The following ZNF431 variants were observed in gnomAD, a reference collection of about 807,000 sequenced individuals.
The protein encoded by ZNF431 is zinc finger protein 431.
Under a neutral mutation model 57.0 loss-of-function variants are expected in ZNF431, and 34 were observed. The observed-to-expected ratio is 0.60, with a 90% CI of 0.45 to 0.79. ZNF431 has a LOEUF of 0.79. Among genes scored for constraint, ZNF431 ranks in the 30% least tolerant of loss-of-function variants. The pLI is 0.00. For missense variants in ZNF431, 607 were observed against 667.1 expected (o/e 0.91, Z 0.99); for synonymous variants, 207 against 220.3 (o/e 0.94, Z 0.54).
intron 2 of ZNF431, among the ~76,000 whole-genome samples, chr19:21,165,250 A>G (rs992892192): frequency 3.3e-5 from 5 of 152,162 alleles, no homozygotes; most frequent in African/African-American, 1.2e-4. Context: ...GATACTCAAG[A>G]TTCCTACTGG....
chr19:21,160,979 C>T (rs1428845253), intron 2 of ZNF431, among the ~76,000 whole-genome samples: 1 of 152,092 alleles, frequency 6.6e-6, no homozygotes, highest in African/African-American at 2.4e-5. Flanking sequence ...ACTATCCTGG[C>T]CAACATGGTG....
rs1192064021 is a variant in ZNF431 at position 21,184,938 on chromosome 19, G to A, written c.*904G>A. The A allele has an allele frequency of 6.6e-6, 1 of 152,056 alleles. No individual in the cohort carries two copies. Among genetic ancestry groups the A allele is most frequent in the East Asian group, 1.9e-4 (1 of 5,196 alleles). The allele number at this position is 152,056 out of a possible 1,614,324, so 9.4% of individuals were successfully genotyped here. On this transcript the variant is annotated 3_prime_UTR_variant, in exon 5 of 5. Transcript: ENST00000311048. ...CTTTTTGTAGACATTTTCTTCTAGA[G>A]GAAAACTCTGAAGCAGTTGATCAAA...
intron 2 of ZNF431, among the ~76,000 whole-genome samples, chr19:21,147,359 G>A (rs1320019708): frequency 2.0e-5 from 3 of 152,008 alleles, no homozygotes; most frequent in Non-Finnish European, 4.4e-5. Context: ...TGTGCTGGTG[G>A]ACGCCTGTAA....
At chr19:21,169,366 C>A (rs1227340212) in intron 4 of ZNF431, among the ~76,000 whole-genome samples, 1 of 152,050 alleles carries the variant, frequency 6.6e-6, no homozygotes, top group Non-Finnish European at 1.5e-5. Context: ...TCAGTGCTAC[C>A]TTAAAATAGA....
intron 4 of ZNF431, among the ~76,000 whole-genome samples, chr19:21,179,359 C>T (rs1026428729): frequency 9.2e-5 from 14 of 151,858 alleles, no homozygotes; most frequent in African/African-American, 2.7e-4. Context: ...GTCTTTATGT[C>T]GTTCACTTCC....
At position 21,151,920 on chromosome 19, in the gene ZNF431, C is replaced by A. The variant is rs1371758986; in HGVS notation, c.96+8277C>A. On this transcript the variant is annotated intron_variant, in intron 2 of 4. Transcript: ENST00000311048. ...TGCATAGAGAGGCTAGAAGTCTCGT[C>A]AGAAATTTGTACACTTTTGCCAGCA... 3.3e-5 allele frequency among the ~76,000 whole-genome samples: 5 copies of A among 152,274 alleles called. No individual in the cohort carries two copies. In the East Asian group the frequency reaches 5.8e-4, roughly 18 times the overall value.
At chr19:21,151,453 A>ACTT (rs957846229) in intron 2 of ZNF431, among the ~76,000 whole-genome samples, 3 of 152,224 alleles carry the variant, frequency 2.0e-5, no homozygotes, top group Non-Finnish European at 2.9e-5. Context: ...ACCAAAAGTA[A>ACTT]CTTCACAGGT....
chr19:21,171,629 T>C (rs184846603), intron 4 of ZNF431, among the ~76,000 whole-genome samples: 260 of 150,962 alleles, frequency 1.7e-3, no homozygotes, highest in Non-Finnish European at 3.1e-3. Flanking sequence ...GGCTGTTTTA[T>C]CTTGTCTAAG....
At chr19:21,160,524 C>G (rs1350473459) in intron 2 of ZNF431, among the ~76,000 whole-genome samples, 1 of 152,164 alleles carries the variant, frequency 6.6e-6, no homozygotes, top group Non-Finnish European at 1.5e-5. Flanking sequence ...TGGAGCTCCA[C>G]CAGAGCAGTT....
rs112106053 is a variant in ZNF431, at chr19:21,169,552, C to G, written c.319+1886C>G. 8.9e-3 allele frequency among the ~76,000 whole-genome samples: 1,355 copies of G among 152,254 alleles called. 8 individuals are homozygous for G. The highest frequency in any genetic ancestry group is 0.013 in the Non-Finnish European group (914 of 68,014). ...GTGAAGAGGGGTTGTAGCTTTGTCA[C>G]AAGGCTGCTGGGTCTGCACTAGAGT... On this transcript the variant is annotated intron_variant, in intron 4 of 4. Coordinates refer to ENST00000311048, the MANE Select transcript of ZNF431 (RefSeq NM_133473.4).
intron 4 of ZNF431, among the ~76,000 whole-genome samples, chr19:21,168,807 C>A (rs1970799064): frequency 6.6e-6 from 1 of 152,030 alleles, no homozygotes; most frequent in Non-Finnish European, 1.5e-5. Context: ...AGACTGTTTT[C>A]TTCCTCTATT....
chr19:21,158,655 C>T (rs559192366), intron 2 of ZNF431, among the ~76,000 whole-genome samples: 10 of 151,446 alleles, frequency 6.6e-5, no homozygotes, highest in East Asian at 3.9e-4. Flanking sequence ...TTGATGTAAA[C>T]GGATGCCATT....
rs772677439 is a variant in ZNF431, at chr19:21,182,731, A to G, written c.428A>G (p.Gln143Arg). Residue 143 changes from glutamine (Q) to arginine (R), a missense_variant, in exon 5 of 5, where the codon CAG (glutamine) becomes CGG (arginine). Transcript: ENST00000311048. ...GGCAAATGTGAACATGAGAATTTAC[A>G]GTTAAGAAAAGGCTCCGCAAGTGTA... ...RYGKCEHENL[Q>R]LRKGSASVDE... is the part of the protein sequence containing the mutation. 8 of 1,613,974 alleles carry G rather than the reference A, an allele frequency of 5.0e-6. No homozygotes were observed. Among genetic ancestry groups the G allele is most frequent in the Non-Finnish European group, 6.8e-6 (8 of 1,179,890 alleles).
chr19:21,176,434 G>A (rs1236835036), intron 4 of ZNF431, among the ~76,000 whole-genome samples: 2 of 151,666 alleles, frequency 1.3e-5, no homozygotes, highest in Non-Finnish European at 2.9e-5. Context: ...TAGAGGTGGG[G>A]TTTCTCCATT....
chr19:21,182,861 T>C lies in ZNF431; in HGVS notation c.558T>C (p.His186=). 16 of 1,613,932 alleles carry C rather than the reference T, an allele frequency of 9.9e-6. No individual in the cohort carries two copies. The highest frequency in any genetic ancestry group is 1.4e-5 in the Non-Finnish European group (16 of 1,179,892). ...FPCDKYVKVF[H]KFLNANRHKT... The stretch of plus-strand genomic sequence containing the variant: ...GTGATAAATATGTGAAAGTCTTTCA[T>C]AAATTTTTAAATGCAAATAGACATA... The change falls in exon 5 of 5, where the codon CAT becomes CAC. Residue 186 remains histidine, a synonymous_variant. Coordinates refer to ENST00000311048, the MANE Select transcript of ZNF431 (RefSeq NM_133473.4).
chr19:21,160,926 T>C (rs1041607706), intron 2 of ZNF431, among the ~76,000 whole-genome samples: 2 of 152,126 alleles, frequency 1.3e-5, no homozygotes, highest in Admixed American at 6.6e-5. Flanking sequence ...TCCCAGCACT[T>C]TGGGAGGCCA....
chr19:21,183,408 G>A lies in ZNF431; in HGVS notation c.1105G>A (p.Glu369Lys). Reference protein sequence around the residue: ...LTKHKIIHTGEKSYKCEECGK... With the variant: ...LTKHKIIHTGKKSYKCEECGK... ...TAAACATAAGATAATTCATACTGGA[G>A]AAAAATCTTACAAATGTGAAGAATG... is the stretch of plus-strand genomic sequence containing the variant. Residue 369 changes from glutamate (E) to lysine (K), a missense_variant, in exon 5 of 5, where the codon GAA (glutamate) becomes AAA (lysine). Coordinates refer to ENST00000311048, the MANE Select transcript of ZNF431 (RefSeq NM_133473.4). 6.2e-7 allele frequency: 1 copy of A among 1,613,536 alleles called. No individual in the cohort carries two copies. The highest frequency in any genetic ancestry group is 1.7e-5 in the Admixed American group (1 of 59,942).
intron 4 of ZNF431, among the ~76,000 whole-genome samples, chr19:21,180,255 T>A (rs1971172972): frequency 6.6e-6 from 1 of 152,210 alleles, no homozygotes; most frequent in Non-Finnish European, 1.5e-5. Context: ...GTTGTTGATG[T>A]AGTTGTTTTA....
intron 4 of ZNF431, among the ~76,000 whole-genome samples, chr19:21,169,301 T>C (rs1161411275): frequency 6.6e-6 from 1 of 152,168 alleles, no homozygotes. Context: ...TTATTTCTCT[T>C]TAATTCCAAT....
Sources: gnomAD v4.1 joint callset for allele counts (sites outside exome capture counted in the v4.1 genomes callset) on GRCh38, gnomAD v4.1.1 for gene constraint, MANE v1.5 for transcripts, NCBI Gene and HGNC (gene_info 2026-07-23, HGNC 2026-07-21) for gene names.